CHIC1: variants seen among roughly 807,000 people sequenced by gnomAD.
CHIC1 encodes the protein cysteine-rich hydrophobic domain-containing protein 1.
A neutral mutation model predicts 18.5 loss-of-function variants in CHIC1; 7 were observed. The observed-to-expected ratio is 0.38, with a 90% confidence interval of 0.22 to 0.71. The LOEUF (loss-of-function observed/expected upper bound fraction) is 0.71. Among genes scored for constraint, CHIC1 ranks in the 30% least tolerant of loss-of-function variants. The pLI is 0.49. For missense variants in CHIC1, 159 were observed against 176.9 expected (o/e 0.90, Z 0.57); for synonymous variants, 77 against 73.5 (o/e 1.05, Z -0.25).
intron 3 of CHIC1, among the ~76,000 whole-genome samples, chrX:73,586,247 A>AAGG (rs2057552602): frequency 9.0e-6 from 1 of 111,088 alleles, no homozygotes; most frequent in Non-Finnish European, 1.9e-5. Context: ...CTTAGAAACC[A>AAGG]CCCATAGTTT....
chrX:73,633,483 A>G (rs138389108), intron 3 of CHIC1, among the ~76,000 whole-genome samples: 18 of 111,658 alleles, frequency 1.6e-4, no homozygotes, highest in African/African-American at 4.9e-4. Flanking sequence ...TTGACTTTTG[A>G]CAATTTCATT....
intron 3 of CHIC1, among the ~76,000 whole-genome samples, chrX:73,602,077 A>G (rs1347186024): frequency 9.4e-6 from 1 of 106,133 alleles, no homozygotes; most frequent in African/African-American, 3.7e-5. Context: ...AATAATTAAC[A>G]GCTTACCAAC....
chrX:73,647,282 G>C (rs2057894021), intron 3 of CHIC1, among the ~76,000 whole-genome samples: 1 of 112,205 alleles, frequency 8.9e-6, no homozygotes, highest in Admixed American at 9.4e-5. Context: ...ATCTGATTAA[G>C]TTTCTAGTTA....
chrX:73,680,098 CTT>C lies in CHIC1; in HGVS notation c.624+400_624+401del, dbSNP rs60843988. Among the ~76,000 whole-genome samples, 675 of 85,941 alleles carry C rather than the reference CTT, an allele frequency of 7.9e-3. 3 individuals carry two copies. Among genetic ancestry groups the C allele is most frequent in the African/African-American group, 0.027 (647 of 23,960 alleles). 74.6% of individuals were successfully genotyped at this position (85,941 alleles called of 115,157 possible). A position where few individuals can be genotyped will look rare whatever the true frequency, so the allele number is the denominator to read the frequency against. ...CTGCATTCTGGATTCCTATTACTGG[CTT>C]TTTTTTTTTTTTTTGGCTGACATTT... On this transcript the variant is annotated intron_variant, in intron 5 of 5. Transcript: ENST00000373502.
At chrX:73,602,281 CT>C (rs1185072569) in intron 3 of CHIC1, among the ~76,000 whole-genome samples, 1 of 109,140 alleles carries the variant, frequency 9.2e-6, no homozygotes, top group African/African-American at 3.6e-5. Flanking sequence ...TGATGATGAG[CT>C]TTTTTTCATG....
At chrX:73,677,362 G>A (rs1230006502) in intron 3 of CHIC1, among the ~76,000 whole-genome samples, 1 of 112,110 alleles carries the variant, frequency 8.9e-6, no homozygotes, top group Non-Finnish European at 1.9e-5. Context: ...AGGCCTCCTT[G>A]AGCTGTGGTG....
At chrX:73,573,504 G>T (rs911326297) in intron 1 of CHIC1, among the ~76,000 whole-genome samples, 2 of 111,159 alleles carry the variant, frequency 1.8e-5, no homozygotes, top group African/African-American at 6.5e-5. Flanking sequence ...GATAGGTATA[G>T]CATTGAATCT....
chrX:73,618,901 C>T (rs941605630), intron 3 of CHIC1, among the ~76,000 whole-genome samples: 3 of 112,395 alleles, frequency 2.7e-5, no homozygotes, highest in African/African-American at 9.7e-5. Context: ...CCTCTGGCAG[C>T]CCTCCTTAAG....
intron 2 of CHIC1, among the ~76,000 whole-genome samples, chrX:73,580,014 A>G (rs2057519130): frequency 1.8e-5 from 2 of 110,598 alleles, no homozygotes; most frequent in Admixed American, 9.7e-5. Context: ...TTTGAAATAC[A>G]GGTCCAAGAA....
chrX:73,632,366 C>A lies in CHIC1; in HGVS notation c.508-46960C>A, dbSNP rs769617804. ...TTCAGCCTAGTGTGTGTCTCGTGAG[C>A]AGCATATAATAGGGTGTTGTTTGTT... On this transcript the variant is annotated intron_variant, in intron 3 of 5. Coordinates refer to ENST00000373502, the MANE Select transcript of CHIC1 (RefSeq NM_001039840.4). Among the ~76,000 whole-genome samples, 4 of 111,904 alleles carry A rather than the reference C, an allele frequency of 3.6e-5. No homozygotes were observed. The East Asian group carries it at 1.1e-3, about 31-fold the overall frequency.
intron 3 of CHIC1, among the ~76,000 whole-genome samples, chrX:73,603,692 G>T (rs1455442741): frequency 2.8e-5 from 3 of 108,358 alleles, no homozygotes; most frequent in African/African-American, 1.1e-4. Flanking sequence ...CCTTGTTTAT[G>T]GAGAGTTTTT....
intron 3 of CHIC1, among the ~76,000 whole-genome samples, chrX:73,613,950 C>T (rs887688964): frequency 2.7e-5 from 3 of 110,066 alleles, no homozygotes; most frequent in Non-Finnish European, 3.8e-5. Context: ...TTTGTATTTG[C>T]TTTACTGGTA....
chrX:73,612,742 G>A (rs190384936), intron 3 of CHIC1, among the ~76,000 whole-genome samples: 2 of 112,209 alleles, frequency 1.8e-5, no homozygotes, highest in Admixed American at 1.9e-4. Flanking sequence ...GTTTATCCTA[G>A]AGAATGTTCC....
At chrX:73,650,438 C>T (rs959931056) in intron 3 of CHIC1, among the ~76,000 whole-genome samples, 2 of 107,568 alleles carry the variant, frequency 1.9e-5, no homozygotes, top group African/African-American at 6.7e-5. Context: ...GGTAGCTAGA[C>T]TAATAAGGAA....
At chrX:73,628,071 G>A (rs1272722231) in intron 3 of CHIC1, among the ~76,000 whole-genome samples, 1 of 111,703 alleles carries the variant, frequency 9.0e-6, no homozygotes, top group African/African-American at 3.3e-5. Flanking sequence ...GGCCCAGGGT[G>A]TGTCTAGAAA....
chrX:73,580,499 A>G (rs764463523), intron 2 of CHIC1, among the ~76,000 whole-genome samples: 2 of 111,000 alleles, frequency 1.8e-5, no homozygotes, highest in Non-Finnish European at 3.8e-5. Context: ...TAAAAGTCAC[A>G]TGGTGGTAAC....
intron 3 of CHIC1, among the ~76,000 whole-genome samples, chrX:73,592,909 T>C (rs1182513856): frequency 9.2e-6 from 1 of 109,185 alleles, no homozygotes; most frequent in African/African-American, 3.3e-5. Context: ...AGGGTTTCCA[T>C]TTTTTTTTCC....
intron 3 of CHIC1, among the ~76,000 whole-genome samples, chrX:73,626,288 A>G (rs1603345031): frequency 9.0e-6 from 1 of 111,117 alleles, no homozygotes; most frequent in East Asian, 2.8e-4. Flanking sequence ...CTTCATTAGG[A>G]TAAATCTGCT....
chrX:73,655,443 C>T (rs769374315), intron 3 of CHIC1, among the ~76,000 whole-genome samples: 7 of 45,003 alleles, frequency 1.6e-4, no homozygotes, highest in Non-Finnish European at 2.2e-4. Flanking sequence ...TATATATATA[C>T]ATATATACAC....
Sources: allele counts gnomAD v4.1 joint callset (sites outside exome capture counted in the v4.1 genomes callset), GRCh38; gene constraint gnomAD v4.1.1; transcripts MANE v1.5; gene names NCBI Gene and HGNC (gene_info 2026-07-23, HGNC 2026-07-21).